The following GLIS3 variants were observed in gnomAD, a reference collection of about 807,000 sequenced individuals.
GLIS3 encodes GLIS family zinc finger 3.
A neutral mutation model predicts 78.6 loss-of-function variants in GLIS3; 53 were observed. That is an observed-to-expected ratio of 0.67 (90% CI 0.54 to 0.85). The LOEUF (loss-of-function observed/expected upper bound fraction) is 0.85. Ranked by LOEUF, GLIS3 falls within the 40% of genes least tolerant of loss-of-function variation. The probability of loss-of-function intolerance (pLI) is 0.00; values close to 1 mark genes in which losing one functional copy is unlikely to be tolerated. For synonymous variants in GLIS3, 684 were observed against 509.9 expected (o/e 1.34, Z -4.60); for missense variants, 1,703 against 1,231.1 (o/e 1.38, Z -5.74).
intron 2 of GLIS3, among the ~76,000 whole-genome samples, chr9:4,186,403 G>A (rs531141251): frequency 4.6e-5 from 7 of 151,944 alleles, no homozygotes; most frequent in African/African-American, 1.4e-4. Flanking sequence ...TATCATTGTT[G>A]GACATTTGGG....
At chr9:4,138,392 T>C (rs1833565626) in intron 2 of GLIS3, among the ~76,000 whole-genome samples, 1 of 152,166 alleles carries the variant, frequency 6.6e-6, no homozygotes, top group African/African-American at 2.4e-5. Context: ...AGGAAACAAT[T>C]GGCAAACACC....
At chr9:4,124,597 A>T (rs1228529780) in intron 3 of GLIS3, among the ~76,000 whole-genome samples, 1 of 152,214 alleles carries the variant, frequency 6.6e-6, no homozygotes, top group East Asian at 1.9e-4. Context: ...CATCACAAAA[A>T]GTCTCAGGTG....
intron 4 of GLIS3, among the ~76,000 whole-genome samples, chr9:3,945,781 A>C (rs965571225): frequency 1.3e-5 from 2 of 152,220 alleles, no homozygotes; most frequent in Non-Finnish European, 2.9e-5. Context: ...GGGAAAGATG[A>C]AGTAAAAGGC....
intron 6 of GLIS3, among the ~76,000 whole-genome samples, chr9:3,925,823 T>C (rs1055269678): frequency 6.6e-6 from 1 of 152,244 alleles, no homozygotes; most frequent in Non-Finnish European, 1.5e-5. Flanking sequence ...TTTAGAAGTT[T>C]GATGATGTTT....
the GLIS3 span, among the ~76,000 whole-genome samples, chr9:4,410,089 G>C: frequency 1.3e-5 from 2 of 151,564 alleles, no homozygotes; most frequent in African/African-American, 2.4e-5. Flanking sequence ...TAGTGCCTCA[G>C]CCTCCTAAAT....
At chr9:4,313,122 T>G (rs186392103) in intron 2 of GLIS3, among the ~76,000 whole-genome samples, 5 of 152,324 alleles carry the variant, frequency 3.3e-5, no homozygotes, top group Admixed American at 3.3e-4. Flanking sequence ...GTAACAGTAC[T>G]CTTTTGTTGA....
intron 6 of GLIS3, among the ~76,000 whole-genome samples, chr9:3,931,724 T>C (rs552434450): frequency 6.6e-6 from 1 of 152,330 alleles, no homozygotes; most frequent in Admixed American, 6.5e-5. Context: ...GGATGGTTGG[T>C]CTCTAACATT....
At chr9:3,985,634 C>T (rs923028881) in intron 4 of GLIS3, among the ~76,000 whole-genome samples, 1 of 152,060 alleles carries the variant, frequency 6.6e-6, no homozygotes, top group Non-Finnish European at 1.5e-5. Flanking sequence ...ATTAGATTCA[C>T]TATTTTCTAA....
chr9:4,165,639 C>G (rs955057353), intron 2 of GLIS3, among the ~76,000 whole-genome samples: 3 of 152,200 alleles, frequency 2.0e-5, no homozygotes, highest in African/African-American at 7.2e-5. Context: ...CGGGCTGATG[C>G]CTGATGGGCG....
At chr9:4,366,212 C>T in the GLIS3 span, among the ~76,000 whole-genome samples, 2 of 152,296 alleles carry the variant, frequency 1.3e-5, no homozygotes, top group South Asian at 2.1e-4. Context: ...TTTAAACCAA[C>T]CAAAGCAAAG....
chr9:3,969,051 C>T (rs1056786447), intron 4 of GLIS3, among the ~76,000 whole-genome samples: 1 of 152,182 alleles, frequency 6.6e-6, no homozygotes, highest in Non-Finnish European at 1.5e-5. Flanking sequence ...AATGACTTGT[C>T]CGTGTTTGAG....
chr9:4,036,135 G>A (rs1352749409), intron 4 of GLIS3: 1 of 152,198 alleles, frequency 6.6e-6, no homozygotes, highest in Non-Finnish European at 1.5e-5. Context: ...AAAGCCCCAA[G>A]TGAGGATTTT....
At chr9:3,935,782 T>C (rs1825870262) in intron 5 of GLIS3, among the ~76,000 whole-genome samples, 1 of 152,166 alleles carries the variant, frequency 6.6e-6, no homozygotes, top group Non-Finnish European at 1.5e-5. Context: ...ATTCATTTAG[T>C]GTTCCATTTT....
intron 2 of GLIS3, among the ~76,000 whole-genome samples, chr9:4,210,206 G>C (rs1218523655): frequency 6.6e-6 from 1 of 152,186 alleles, no homozygotes; most frequent in Non-Finnish European, 1.5e-5. Flanking sequence ...AGACCTTCTT[G>C]AGAAAACATC....
chr9:3,862,091 T>C (rs922074825), intron 8 of GLIS3, among the ~76,000 whole-genome samples: 4 of 152,134 alleles, frequency 2.6e-5, no homozygotes, highest in Non-Finnish European at 4.4e-5. Context: ...CACAAATTCA[T>C]ACAATTATAG....
At chr9:3,925,138 AAAGAAT>A (rs1825134204) in intron 6 of GLIS3, among the ~76,000 whole-genome samples, 1 of 152,242 alleles carries the variant, frequency 6.6e-6, no homozygotes, top group Non-Finnish European at 1.5e-5. Context: ...GTAATGTAAT[AAAGAAT>A]AATACTGATC....
intron 2 of GLIS3, among the ~76,000 whole-genome samples, chr9:4,194,097 G>A (rs995062197): frequency 2.6e-5 from 4 of 151,944 alleles, no homozygotes; most frequent in Non-Finnish European, 5.9e-5. Flanking sequence ...TTGCTCTGTC[G>A]CCCAGGCTGG....
rs765915744 is a variant in GLIS3, at chr9:4,286,275, T to C, written c.151A>G (p.Met51Val). 2.5e-6 allele frequency: 4 copies of C among 1,614,114 alleles called. No individual in the cohort carries two copies. The highest frequency in any genetic ancestry group is 3.3e-5 in the Admixed American group (2 of 60,002). ...SPCGSTSSPTMASLANNLHLK... is the reference protein window; with the variant it reads ...SPCGSTSSPTVASLANNLHLK... ...TGGAGGTTGTTAGCAAGGCTTGCCA[T>C]AGTGGGACTCGATGTGCTGCCACAG... The change falls in exon 2 of 11, where the codon ATG (methionine) becomes GTG (valine). Residue 51 changes from methionine to valine, a missense_variant. By Grantham distance (21) the Met-to-Val change is conservative. Transcript: ENST00000381971.
intron 1 of GLIS3, among the ~76,000 whole-genome samples, chr9:4,290,327 A>G (rs559579034): frequency 6.6e-6 from 1 of 152,212 alleles, no homozygotes; most frequent in Non-Finnish European, 1.5e-5. Flanking sequence ...CAGCAAACAA[A>G]CTGCTTCTGA....
Sources: gnomAD v4.1 joint callset for allele counts (sites outside exome capture counted in the v4.1 genomes callset) on GRCh38, gnomAD v4.1.1 for gene constraint, MANE v1.5 for transcripts, NCBI Gene and HGNC (gene_info 2026-07-23, HGNC 2026-07-21) for gene names.